IDS: variants seen among roughly 807,000 people sequenced by gnomAD.
IDS encodes the protein alpha-L-iduronate sulfate sulfatase.
Under a neutral mutation model 33.5 loss-of-function variants are expected in IDS, and 1 was observed. That is an observed-to-expected ratio of 0.03 (90% CI 0.01 to 0.14). The LOEUF is 0.14. Among genes scored for constraint, IDS ranks in the 10% least tolerant of loss-of-function variants. The probability of loss-of-function intolerance (pLI) is 1.00; values close to 1 mark genes in which losing one functional copy is unlikely to be tolerated. For synonymous variants in IDS, 191 were observed against 184.4 expected (o/e 1.04, Z -0.29); for missense variants, 328 against 448.0 (o/e 0.73, Z 2.42).
chrX:149,502,189 G>C (rs1482670141), intron 3 of IDS: 1 of 327,902 alleles, frequency 3.0e-6, no homozygotes, highest in Non-Finnish European at 5.9e-6. Context: ...TGCAGGGAAA[G>C]GTTTATTCTC....
Position 149,479,445 on chromosome X carries a change from G to C in IDS, c.*3301C>G, listed in dbSNP as rs2089284094. On this transcript the variant is annotated 3_prime_UTR_variant, in exon 9 of 9. Transcript: ENST00000340855. ...TTTACTACCCCCTAAGGCAGCAAGA[G>C]AGCAGGAAGATAAGCAAAATAGAGA... 1 of 112,522 alleles carries C rather than the reference G, an allele frequency of 8.9e-6. No individual in the cohort carries two copies. The highest frequency in any genetic ancestry group is 3.2e-5 in the African/African-American group (1 of 30,941). 9.3% of individuals were successfully genotyped at this position (112,522 alleles called of 1,213,427 possible).
At chrX:149,484,562 C>T (rs187356830) in intron 8 of IDS, among the ~76,000 whole-genome samples, 41 of 112,742 alleles carry the variant, frequency 3.6e-4, no homozygotes, top group African/African-American at 1.2e-3. Context: ...CCTCGTGATC[C>T]GCCCACCTTG....
intron 8 of IDS, among the ~76,000 whole-genome samples, chrX:149,484,402 A>G (rs1277875571): frequency 1.8e-5 from 2 of 112,052 alleles, no homozygotes; most frequent in East Asian, 5.5e-4. Context: ...GCTCACTGCA[A>G]CCTCCGTCTC....
At position 149,483,158 on chromosome X, in the gene IDS, G is replaced by A; in HGVS notation, c.1241C>T (p.Ala414Val). Residue 414 changes from alanine (A) to valine (V), a missense_variant, in exon 9 of 9, where the codon GCA (alanine) becomes GTA (valine). This residue lies in a region of IDS where 265 missense variants were observed against 339.2 expected (regional missense o/e 0.78). Coordinates refer to ENST00000340855, the MANE Select transcript of IDS (RefSeq NM_000202.8). ...VSLFPTLAGL[A>V]GLQVPPRCPV... ...GCAGCGAGGTGGAACCTGCAGTCCTGCAAGTCCAGCCAGCGTGGGAAAAAG... is the reference window on the plus strand; with the variant it reads ...GCAGCGAGGTGGAACCTGCAGTCCTACAAGTCCAGCCAGCGTGGGAAAAAG... 8.3e-7 allele frequency: 1 copy of A among 1,211,344 alleles called. No homozygotes were observed. The highest frequency in any genetic ancestry group is 1.8e-5 in the South Asian group (1 of 56,970).
Position 149,490,335 on chromosome X carries a change from T to C in IDS, c.985A>G (p.Ile329Val). Residue 329 changes from isoleucine (I) to valine (V), a missense_variant, in exon 7 of 9, where the codon ATT becomes GTT. Coordinates refer to ENST00000340855, the MANE Select transcript of IDS (RefSeq NM_000202.8). Reference protein sequence around the residue: ...DDLQLANSTIIAFTSDHGWAL... With the variant: ...DDLQLANSTIVAFTSDHGWAL... Reference sequence around the variant, plus strand: ...TTACCATGATCCGAGGTAAATGCAATGATGGTGCTGTTGGCCAGCTGAAGA... The same window carrying C: ...TTACCATGATCCGAGGTAAATGCAACGATGGTGCTGTTGGCCAGCTGAAGA... The C allele has an allele frequency of 8.3e-7, 1 of 1,211,126 alleles. No individual in the cohort carries two copies. Among genetic ancestry groups the C allele is most frequent in the East Asian group, 3.0e-5 (1 of 33,850 alleles).
chrX:149,499,954 CTG>C (rs1405017443), intron 4 of IDS, among the ~76,000 whole-genome samples: 1 of 111,618 alleles, frequency 9.0e-6, no homozygotes, highest in Non-Finnish European at 1.9e-5. Flanking sequence ...GACCGAGGGG[CTG>C]TGTCAGCTGC....
rs1440845486 is a variant in IDS at position 149,480,668 on chromosome X, C to T, written c.*2078G>A. On this transcript the variant is annotated 3_prime_UTR_variant, in exon 9 of 9. Transcript: ENST00000340855. ...CTAACTTTTGTATTTTTAGTAGAGA[C>T]GGGGTTTCACCATGTTGGCCAGGCT... 3.5e-5 allele frequency: 7 copies of T among 202,353 alleles called. No individual in the cohort carries two copies. The highest frequency in any genetic ancestry group is 8.0e-5 in the East Asian group (1 of 12,506). 16.7% of individuals were successfully genotyped at this position (202,353 alleles called of 1,213,427 possible). A position where few individuals can be genotyped will look rare whatever the true frequency, so the allele number is the denominator to read the frequency against.
intron 7 of IDS, among the ~76,000 whole-genome samples, chrX:149,489,205 T>C (rs1198686465): frequency 1.8e-5 from 2 of 112,519 alleles, no homozygotes; most frequent in East Asian, 5.5e-4. Context: ...GGCACCTCCA[T>C]ATATAATAAA....
rs1557337661 is a variant in IDS at position 149,483,153 on chromosome X, G to GTCC, written c.1243_1245dup (p.Gly415dup). The GTCC allele has an allele frequency of 4.1e-6, 5 of 1,211,275 alleles. No homozygotes were observed. Among genetic ancestry groups the GTCC allele is most frequent in the Non-Finnish European group, 5.6e-6 (5 of 895,316 alleles). The stretch of plus-strand genomic sequence containing the variant: ...ACGGGGCAGCGAGGTGGAACCTGCA[G>GTCC]TCCTGCAAGTCCAGCCAGCGTGGGA... On this transcript the variant is annotated inframe_insertion, in exon 9 of 9. Transcript: ENST00000340855.
rs782160586 is a variant in IDS at position 149,498,755 on chromosome X, T to C, written c.508-448A>G. 3.6e-5 allele frequency among the ~76,000 whole-genome samples: 4 copies of C among 112,670 alleles called. No individual in the cohort carries two copies. In the East Asian group the frequency reaches 1.1e-3, roughly 31 times the overall value. On this transcript the variant is annotated intron_variant, in intron 4 of 8. Coordinates refer to ENST00000340855, the MANE Select transcript of IDS (RefSeq NM_000202.8). ...CAAAACCACTTCACACCCAAAAGGA[T>C]GGTTATAATTTTTTAAGATGGAAAA...
chrX:149,490,426 C>T lies in IDS; in HGVS notation c.894G>A (p.Gln298=), dbSNP rs781812519. 1.1e-5 allele frequency: 13 copies of T among 1,209,613 alleles called. No individual in the cohort carries two copies. In the East Asian group the frequency reaches 3.6e-4, roughly 33 times the overall value. The change falls in exon 7 of 9, where the codon CAG becomes CAA. Residue 298 remains glutamine (Q), a synonymous_variant. Transcript: ENST00000340855. ...IPVDFQRKIR[Q]SYFASVSYLD... is the part of the protein sequence containing the mutation. ...AATATGACACAGAGGCAAAGTAGCT[C>T]TGGCGGATTTTCCGCTGCAAATTGA...
At chrX:149,499,854 A>G (rs1443777697) in intron 4 of IDS, among the ~76,000 whole-genome samples, 5 of 111,758 alleles carry the variant, frequency 4.5e-5, no homozygotes, top group Non-Finnish European at 9.4e-5. Context: ...TACACTAGGC[A>G]CAGAATGAAA....
At position 149,486,992 on chromosome X, in the gene IDS, C is replaced by T. The variant is rs146615651; in HGVS notation, c.1113G>A (p.Pro371=). 10 of 1,210,189 alleles carry T rather than the reference C, an allele frequency of 8.3e-6. No individual in the cohort carries two copies. Among genetic ancestry groups the T allele is most frequent in the Admixed American group, 4.4e-5 (2 of 45,834 alleles). The change falls in exon 8 of 9, where the codon CCG becomes CCA. Residue 371 remains proline, a synonymous_variant. Coordinates refer to ENST00000340855, the MANE Select transcript of IDS (RefSeq NM_000202.8). ...AAGGGAAAAGCTTCTCGCCTGCCTC[C>T]GGAAGTGAAGCCGTCCTTCCAGGAA... ...FYVPGRTASL[P]EAGEKLFPYL... is the part of the protein sequence containing the mutation.
At chrX:149,485,021 G>C (rs1220712929) in intron 8 of IDS, among the ~76,000 whole-genome samples, 1 of 111,763 alleles carries the variant, frequency 8.9e-6, no homozygotes, top group East Asian at 2.8e-4. Context: ...TAGCACACGT[G>C]TCAAAAATGT....
At chrX:149,493,591 T>A (rs368563771) in intron 6 of IDS, among the ~76,000 whole-genome samples, 320 of 109,841 alleles carry the variant, frequency 2.9e-3, no homozygotes, top group African/African-American at 0.01. Context: ...GGCTGCAGGG[T>A]AGGTAGGTGA....
chrX:149,490,615 C>A (rs1460948110), intron 6 of IDS, among the ~76,000 whole-genome samples, 175 bp from the exon 7 acceptor site: 2 of 112,434 alleles, frequency 1.8e-5, no homozygotes, highest in Admixed American at 9.4e-5. Flanking sequence ...TCACTTCACC[C>A]ACAGAGTCAC....
intron 7 of IDS, among the ~76,000 whole-genome samples, chrX:149,489,153 C>T (rs1481736593): frequency 8.9e-6 from 1 of 112,204 alleles, no homozygotes; most frequent in Non-Finnish European, 1.9e-5. Context: ...ACCGAGGGCT[C>T]AGAAGCAGAT....
intron 6 of IDS, among the ~76,000 whole-genome samples, chrX:149,493,010 G>T (rs782309568): frequency 9.0e-6 from 1 of 111,596 alleles, no homozygotes; most frequent in South Asian, 3.7e-4. Context: ...AGAAAAGGCA[G>T]GGCAGGGGTG....
chrX:149,484,401 A>G (rs1557337797), intron 8 of IDS, among the ~76,000 whole-genome samples: 1 of 112,346 alleles, frequency 8.9e-6, no homozygotes, highest in Non-Finnish European at 1.9e-5. Context: ...AGCTCACTGC[A>G]ACCTCCGTCT....
Sources: gnomAD v4.1 joint callset for allele counts (sites outside exome capture counted in the v4.1 genomes callset) on GRCh38, gnomAD v4.1.1 for gene constraint, gnomAD v4.1.1 regional missense constraint, MANE v1.5 for transcripts, NCBI Gene and HGNC (gene_info 2026-07-23, HGNC 2026-07-21) for gene names.